IL1RAPL2: variants seen among roughly 807,000 people sequenced by gnomAD.
IL1RAPL2 encodes X-linked interleukin-1 receptor accessory protein-like 2.
In IL1RAPL2, 3 loss-of-function variants were observed where a neutral mutation model predicts 44.1. That is an observed-to-expected ratio of 0.07 (90% CI 0.03 to 0.18). The LOEUF is 0.18. Ranked by LOEUF, IL1RAPL2 falls within the 10% of genes least tolerant of loss-of-function variation. The pLI, the probability that IL1RAPL2 is intolerant of heterozygous loss-of-function variation, is 1.00. For synonymous variants in IL1RAPL2, 181 were observed against 178.8 expected, an observed-to-expected ratio of 1.01 and a Z score of -0.10; for missense variants, 391 against 496.4, an observed-to-expected ratio of 0.79 and a Z score of 2.02.
rs111822883 is a variant in IL1RAPL2, at chrX:105,142,962, A to C, written c.83-52513A>C. Among the ~76,000 whole-genome samples, 220 of 110,951 alleles carry C rather than the reference A, an allele frequency of 2.0e-3. 1 individual carries two copies. Among genetic ancestry groups the C allele is most frequent in the Non-Finnish European group, 3.6e-3 (191 of 52,940 alleles). ...TCCCTACAAAGGACATGAACTCATCATTTTTTATGGCTGCATAGTATTCCA... is the reference window on the plus strand; with the variant it reads ...TCCCTACAAAGGACATGAACTCATCCTTTTTTATGGCTGCATAGTATTCCA... On this transcript the variant is annotated intron_variant, in intron 2 of 10. Transcript: ENST00000372582.
At chrX:105,620,113 A>G (rs899896100) in intron 6 of IL1RAPL2, among the ~76,000 whole-genome samples, 41 of 111,220 alleles carry the variant, frequency 3.7e-4, no homozygotes, top group African/African-American at 1.3e-3. Context: ...TATGACTTAA[A>G]TCCAGCAACC....
chrX:104,914,104 A>T (rs944652597), intron 2 of IL1RAPL2, among the ~76,000 whole-genome samples: 2 of 111,883 alleles, frequency 1.8e-5, no homozygotes, highest in African/African-American at 3.2e-5. Context: ...TTGTTTAAAA[A>T]TTCAGATCCC....
At chrX:104,975,475 A>G (rs758259185) in intron 2 of IL1RAPL2, among the ~76,000 whole-genome samples, 2 of 112,519 alleles carry the variant, frequency 1.8e-5, no homozygotes, top group South Asian at 3.7e-4. Context: ...AAAATGACCT[A>G]TACAAGACAA....
intron 2 of IL1RAPL2, among the ~76,000 whole-genome samples, chrX:104,985,428 AGT>A (rs1307678730): frequency 2.7e-5 from 3 of 111,785 alleles, no homozygotes; most frequent in African/African-American, 9.8e-5. Flanking sequence ...GTTTTCAGAG[AGT>A]GATGATCAAA....
At chrX:105,695,699 C>T (rs186135992) in intron 6 of IL1RAPL2, among the ~76,000 whole-genome samples, 140 of 111,126 alleles carry the variant, frequency 1.3e-3, no homozygotes, top group East Asian at 0.01. Flanking sequence ...GGCATCTTAA[C>T]GTACCATATC....
At chrX:105,088,300 A>C (rs1179088606) in intron 2 of IL1RAPL2, among the ~76,000 whole-genome samples, 2 of 112,068 alleles carry the variant, frequency 1.8e-5, no homozygotes, top group African/African-American at 3.2e-5. Flanking sequence ...GATATCATTC[A>C]TTTGTAATTG....
intron 2 of IL1RAPL2, among the ~76,000 whole-genome samples, chrX:105,186,923 C>T (rs963519518): frequency 3.0e-4 from 33 of 111,561 alleles, no homozygotes; most frequent in African/African-American, 1.0e-3. Flanking sequence ...TAGCAAACCC[C>T]CACAGTGTGA....
At chrX:104,917,838 G>A (rs377208474) in intron 2 of IL1RAPL2, among the ~76,000 whole-genome samples, 16 of 111,554 alleles carry the variant, frequency 1.4e-4, no homozygotes, top group African/African-American at 5.2e-4. Flanking sequence ...TAAGAGTTTC[G>A]GACTGAATTC....
At chrX:104,673,264 T>A (rs1930658325) in intron 2 of IL1RAPL2, among the ~76,000 whole-genome samples, 1 of 111,862 alleles carries the variant, frequency 8.9e-6, no homozygotes, top group Non-Finnish European at 1.9e-5. Flanking sequence ...CATGTTGAAC[T>A]GATTTTTGTA....
chrX:104,744,411 T>C (rs1368280277), intron 2 of IL1RAPL2, among the ~76,000 whole-genome samples: 3 of 111,793 alleles, frequency 2.7e-5, no homozygotes, highest in East Asian at 5.6e-4. Context: ...GGCAGCACTG[T>C]ACTAGGCTTC....
At chrX:104,905,380 T>C (rs919475033) in intron 2 of IL1RAPL2, among the ~76,000 whole-genome samples, 9 of 111,451 alleles carry the variant, frequency 8.1e-5, no homozygotes, top group Non-Finnish European at 1.1e-4. Context: ...TCCTTGCCCA[T>C]GTCTATGTCC....
intron 2 of IL1RAPL2, among the ~76,000 whole-genome samples, chrX:105,109,688 G>T (rs2147564751): frequency 8.9e-6 from 1 of 111,978 alleles, no homozygotes; most frequent in East Asian, 2.8e-4. Flanking sequence ...GGTGATGGTT[G>T]TACAACTCTG....
chrX:105,412,972 T>C (rs993234582), intron 5 of IL1RAPL2, among the ~76,000 whole-genome samples: 9 of 111,975 alleles, frequency 8.0e-5, no homozygotes, highest in Admixed American at 4.7e-4. Flanking sequence ...TTACCCTATT[T>C]TTTAAAATTA....
At chrX:105,112,299 A>G (rs1401822177) in intron 2 of IL1RAPL2, among the ~76,000 whole-genome samples, 1 of 112,285 alleles carries the variant, frequency 8.9e-6, no homozygotes, top group Non-Finnish European at 1.9e-5. Flanking sequence ...TTCTATTGCC[A>G]GAGAGTCTTG....
chrX:104,652,295 C>G (rs1002850788), intron 1 of IL1RAPL2, among the ~76,000 whole-genome samples: 1 of 111,507 alleles, frequency 9.0e-6, no homozygotes, highest in Admixed American at 9.5e-5. Flanking sequence ...GTGTTTATGA[C>G]AGCAGGAAAT....
chrX:104,728,975 A>C (rs1047116474), intron 2 of IL1RAPL2, among the ~76,000 whole-genome samples: 2 of 111,697 alleles, frequency 1.8e-5, no homozygotes, highest in Admixed American at 1.9e-4. Flanking sequence ...ATAGTCTAGG[A>C]GGAGGAGTAG....
chrX:104,737,847 T>G (rs914120905), intron 2 of IL1RAPL2, among the ~76,000 whole-genome samples: 5 of 112,044 alleles, frequency 4.5e-5, no homozygotes, highest in African/African-American at 1.6e-4. Context: ...TCATTGCTCA[T>G]GCTATTCTTC....
At chrX:104,907,269 A>G (rs1478291678) in intron 2 of IL1RAPL2, among the ~76,000 whole-genome samples, 7 of 111,388 alleles carry the variant, frequency 6.3e-5, no homozygotes, top group African/African-American at 2.3e-4. Context: ...GGATTCATTA[A>G]TTTTTTGAAG....
chrX:104,577,987 G>A (rs1355554361), intron 1 of IL1RAPL2, among the ~76,000 whole-genome samples: 1 of 111,576 alleles, frequency 9.0e-6, no homozygotes, highest in Non-Finnish European at 1.9e-5. Flanking sequence ...GGCTATTTCT[G>A]TCTCCATCTA....
Sources: allele counts gnomAD v4.1 joint callset (sites outside exome capture counted in the v4.1 genomes callset), GRCh38; gene constraint gnomAD v4.1.1; transcripts MANE v1.5; gene names NCBI Gene and HGNC (gene_info 2026-07-23, HGNC 2026-07-21).